SLC24A3: variants seen among roughly 807,000 people sequenced by gnomAD.
The protein encoded by SLC24A3 is sodium/potassium/calcium exchanger 3.
SLC24A3 carries 28 observed loss-of-function variants against 75.8 expected under a neutral mutation model. That is an observed-to-expected ratio of 0.37 (90% CI 0.27 to 0.51). The LOEUF is 0.51. Ranked by LOEUF, SLC24A3 falls within the 20% of genes least tolerant of loss-of-function variation. The pLI is 0.94. For synonymous variants in SLC24A3, 372 were observed against 334.1 expected, an observed-to-expected ratio of 1.11 and a Z score of -1.24; for missense variants, 663 against 847.8, an observed-to-expected ratio of 0.78 and a Z score of 2.71.
chr20:19,587,517 G>A (rs999188695), intron 6 of SLC24A3, among the ~76,000 whole-genome samples: 9 of 152,170 alleles, frequency 5.9e-5, no homozygotes, highest in East Asian at 3.9e-4. Flanking sequence ...CACAGTCCAC[G>A]CGATGACTCT....
intron 3 of SLC24A3, among the ~76,000 whole-genome samples, chr20:19,537,349 A>G (rs1268913020): frequency 4.6e-5 from 7 of 152,208 alleles, no homozygotes; most frequent in Non-Finnish European, 7.3e-5. Flanking sequence ...TCCAATTAGA[A>G]TGGCGATCAT....
chr20:19,591,849 G>GCA (rs1480771874), intron 6 of SLC24A3, among the ~76,000 whole-genome samples: 1 of 152,216 alleles, frequency 6.6e-6, no homozygotes, highest in African/African-American at 2.4e-5. Context: ...CAAAGCCTGT[G>GCA]CACTATCGTG....
intron 2 of SLC24A3, among the ~76,000 whole-genome samples, chr20:19,415,788 AG>A (rs1036023052): frequency 3.9e-5 from 6 of 152,160 alleles, no homozygotes; most frequent in African/African-American, 1.4e-4. Context: ...CAATTCCAGG[AG>A]GGGAAAGCTA....
At position 19,232,461 on chromosome 20, in the gene SLC24A3, A is replaced by T. The variant is rs770935223; in HGVS notation, c.142+19477A>T. 2.0e-5 allele frequency among the ~76,000 whole-genome samples: 3 copies of T among 152,246 alleles called. No homozygotes were observed. In the South Asian group the frequency reaches 6.2e-4, roughly 32 times the overall value. On this transcript the variant is annotated intron_variant, in intron 1 of 16. Transcript: ENST00000328041. ...AAGGTCACTGAATTTTTTAATAATT[A>T]TCTCAGTCTGGTTGGCATTCTGTTG...
intron 15 of SLC24A3, among the ~76,000 whole-genome samples, chr20:19,701,361 A>AC (rs2032870462): frequency 6.6e-6 from 1 of 151,772 alleles, no homozygotes; most frequent in Admixed American, 6.6e-5. Flanking sequence ...TTTTATTAAA[A>AC]AAAAACATTA....
chr20:19,213,898 A>G (rs908072230), intron 1 of SLC24A3, among the ~76,000 whole-genome samples: 1 of 152,206 alleles, frequency 6.6e-6, no homozygotes, highest in African/African-American at 2.4e-5. Context: ...AAGTGGCACG[A>G]TTAGTGGGAA....
Position 19,714,905 on chromosome 20 carries a change from A to C in SLC24A3, c.1720-2623A>C, listed in dbSNP as rs191771663. Among the ~76,000 whole-genome samples the C allele has an allele frequency of 3.3e-5, 5 of 152,300 alleles. No homozygotes were observed. In the East Asian group the frequency reaches 9.7e-4, roughly 29 times the overall value. On this transcript the variant is annotated intron_variant, in intron 15 of 16. Transcript: ENST00000328041. ...TGCTGTCACTGGCTCTTGGTTTCTT[A>C]AGGGCATGAAATCACTTTACTAAGT...
At chr20:19,340,386 T>C (rs2122306873) in intron 2 of SLC24A3, among the ~76,000 whole-genome samples, 1 of 152,240 alleles carries the variant, frequency 6.6e-6, no homozygotes, top group East Asian at 1.9e-4. Flanking sequence ...CCTAACAACC[T>C]CAGAAGGAAC....
intron 6 of SLC24A3, among the ~76,000 whole-genome samples, chr20:19,592,748 T>C (rs6112481): frequency 0.14 from 21,549 of 151,574 alleles, 1,677 homozygotes; most frequent in African/African-American, 0.2. Flanking sequence ...ATATTCACCT[T>C]CTGAAACTCA....
intron 2 of SLC24A3, among the ~76,000 whole-genome samples, chr20:19,501,821 A>G (rs1988388526): frequency 6.6e-6 from 1 of 152,118 alleles, no homozygotes; most frequent in African/African-American, 2.4e-5. Context: ...ACATGCAATT[A>G]GCTCACCTCC....
chr20:19,710,006 A>G (rs565253484), intron 15 of SLC24A3, among the ~76,000 whole-genome samples: 40 of 152,266 alleles, frequency 2.6e-4, no homozygotes, highest in African/African-American at 9.2e-4. Context: ...TAATTGTTCA[A>G]ACAAAGAGAT....
At chr20:19,379,630 G>T (rs963540280) in intron 2 of SLC24A3, among the ~76,000 whole-genome samples, 2 of 152,056 alleles carry the variant, frequency 1.3e-5, no homozygotes, top group African/African-American at 4.8e-5. Flanking sequence ...ATTAGTCAGG[G>T]GTTGGCAGAA....
intron 2 of SLC24A3, among the ~76,000 whole-genome samples, chr20:19,423,502 T>C (rs1466185948): frequency 2.0e-5 from 3 of 152,212 alleles, no homozygotes; most frequent in Non-Finnish European, 4.4e-5. Context: ...GAGGTGTTTT[T>C]AATGGGGCTA....
At chr20:19,325,637 T>G (rs1416413796) in intron 2 of SLC24A3, among the ~76,000 whole-genome samples, 2 of 151,620 alleles carry the variant, frequency 1.3e-5, no homozygotes, top group African/African-American at 4.8e-5. Flanking sequence ...GTTCCTTGTC[T>G]GAAGTACTTC....
In SLC24A3 at chr20:19,588,888, G is replaced by T. The variant is rs117325772; in HGVS notation, c.612+3344G>T. The stretch of plus-strand genomic sequence containing the variant: ...CCCAGGTTAGGACTTTCATATTCAG[G>T]TTATTACAGGCCGGCAGATGGCTCT... On this transcript the variant is annotated intron_variant, in intron 6 of 16. Transcript: ENST00000328041. Among the ~76,000 whole-genome samples the T allele has an allele frequency of 3.3e-3, 500 of 152,326 alleles. 7 individuals are homozygous for T. Among genetic ancestry groups the T allele is most frequent in the East Asian group, 0.026 (133 of 5,188 alleles).
At position 19,503,881 on chromosome 20, in the gene SLC24A3, T is replaced by A. The variant is rs543191542; in HGVS notation, c.272-11607T>A. ...TAGTAATAACTCTCCCCCTTTTAAA[T>A]GGATTATATTCTAAAATAGGTGCAG... On this transcript the variant is annotated intron_variant, in intron 2 of 16. Transcript: ENST00000328041. Among the ~76,000 whole-genome samples, 25 of 152,298 alleles carry A rather than the reference T, an allele frequency of 1.6e-4. 1 individual carries two copies. In the South Asian group the frequency reaches 5.2e-3, roughly 32 times the overall value.
At chr20:19,234,835 G>A (rs1017774908) in intron 1 of SLC24A3, among the ~76,000 whole-genome samples, 1 of 152,134 alleles carries the variant, frequency 6.6e-6, no homozygotes, top group South Asian at 2.1e-4. Context: ...TTGGCCCTGG[G>A]CTTTGATTTC....
At chr20:19,521,295 A>T (rs1165089870) in intron 3 of SLC24A3, among the ~76,000 whole-genome samples, 2 of 152,170 alleles carry the variant, frequency 1.3e-5, no homozygotes, top group Admixed American at 1.3e-4. Context: ...TAGTCCCCAG[A>T]AGTCTCTAAT....
intron 1 of SLC24A3, among the ~76,000 whole-genome samples, chr20:19,279,968 A>G (rs2009165): frequency 0.2 from 30,558 of 152,138 alleles, 3,375 homozygotes; most frequent in African/African-American, 0.28. Flanking sequence ...GTGGCCAGCA[A>G]CGTGGCCATT....
Sources: allele counts gnomAD v4.1 joint callset (sites outside exome capture counted in the v4.1 genomes callset), GRCh38; gene constraint gnomAD v4.1.1; transcripts MANE v1.5; gene names NCBI Gene and HGNC (gene_info 2026-07-23, HGNC 2026-07-21).